Variants in USP7 observed in about 807,000 individuals in gnomAD.
USP7 encodes ubiquitin C-terminal hydrolase 7.
A neutral mutation model predicts 162.9 loss-of-function variants in USP7; 9 were observed. That is an observed-to-expected ratio of 0.06 (90% CI 0.03 to 0.10). The LOEUF is 0.10. USP7 is among the 10% of genes least tolerant of loss of function. USP7 has a pLI of 1.00. For missense variants in USP7, 715 were observed against 1,373.7 expected, an observed-to-expected ratio of 0.52 and a Z score of 7.58; for synonymous variants, 562 against 475.9, an observed-to-expected ratio of 1.18 and a Z score of -2.35.
At chr16:8,959,774 A>C (rs1030760934) in intron 1 of USP7, among the ~76,000 whole-genome samples, 4 of 152,248 alleles carry the variant, frequency 2.6e-5, no homozygotes, top group African/African-American at 9.6e-5. Flanking sequence ...ATGCTTCAGC[A>C]GAAAAGTAAC....
intron 12 of USP7, among the ~76,000 whole-genome samples, chr16:8,906,871 G>A (rs1290741094): frequency 6.6e-6 from 1 of 152,184 alleles, no homozygotes; most frequent in Non-Finnish European, 1.5e-5. Context: ...TGCAAACTGA[G>A]AAACATGAAA....
chr16:8,949,739 T>C (rs1219499456), intron 1 of USP7: 1 of 152,286 alleles, frequency 6.6e-6, no homozygotes, highest in Non-Finnish European at 1.5e-5. Flanking sequence ...TCTGAACCCA[T>C]GCTGGCTTTC....
At chr16:8,929,222 A>C (rs1325771549) in intron 2 of USP7, 6 of 333,164 alleles carry the variant, frequency 1.8e-5, no homozygotes, top group Non-Finnish European at 3.6e-5. Flanking sequence ...GCACTCACTC[A>C]ACCGCTTTCG....
At chr16:8,913,775 G>C (rs140810358) in intron 10 of USP7, among the ~76,000 whole-genome samples, 7 of 152,116 alleles carry the variant, frequency 4.6e-5, no homozygotes, top group African/African-American at 9.7e-5. Context: ...TCTTGAGAGA[G>C]ATACTTGCTC....
chr16:8,904,340 G>T, intron 15 of USP7, 95 bp downstream of exon 15: 1 of 1,547,198 alleles, frequency 6.5e-7, no homozygotes, highest in Non-Finnish European at 8.7e-7. Flanking sequence ...GGTGACCTGG[G>T]AGTCCCAGAG....
In USP7 at chr16:8,923,238, C is replaced by T. The variant is rs1242796869; in HGVS notation, c.360G>A (p.Gln120=). ...ACGTGGAATCAGATTCAGCATTGCA[C>T]TGGAGAAAGAATCCTACGCTTTTTT... ...PHQKSVGFFL[Q]CNAESDSTSW... is the part of the protein sequence containing the mutation. Residue 120 remains glutamine (Q), a synonymous_variant, in exon 3 of 31, where the codon CAG becomes CAA. Transcript: ENST00000344836. 1 of 608,504 alleles carries T rather than the reference C, an allele frequency of 1.6e-6. No homozygotes were observed. The highest frequency in any genetic ancestry group is 1.8e-5 in the South Asian group (1 of 55,470). The allele number at this position is 608,504 out of a possible 1,614,324, so 37.7% of individuals were successfully genotyped here. A position where few individuals can be genotyped will look rare whatever the true frequency, so the allele number is the denominator to read the frequency against.
intron 2 of USP7, among the ~76,000 whole-genome samples, chr16:8,929,781 T>C (rs1337605688): frequency 6.6e-6 from 1 of 152,228 alleles, no homozygotes; most frequent in Non-Finnish European, 1.5e-5. Flanking sequence ...CATATGAGTA[T>C]GCTTTCTCAC....
rs115196512 is a variant in USP7 at position 8,936,800 on chromosome 16, C to T, written c.80-6403G>A. 1,102 of 1,252,086 alleles carry T rather than the reference C, an allele frequency of 8.8e-4. 13 individuals are homozygous for T. The African/African-American group carries it at 0.015, about 17-fold the overall frequency. 77.6% of individuals were successfully genotyped at this position (1,252,086 alleles called of 1,614,324 possible). A position where few individuals can be genotyped will look rare whatever the true frequency, so the allele number is the denominator to read the frequency against. ...GCAACCTCAATTTAGATAAGGCAGT[C>T]CAGGAACAGAAGAGGATATTAATGG... is the stretch of plus-strand genomic sequence containing the variant. On this transcript the variant is annotated intron_variant, in intron 1 of 30. Coordinates refer to ENST00000344836, the MANE Select transcript of USP7 (RefSeq NM_003470.3).
chr16:8,945,179 C>T (rs1899223806), intron 1 of USP7, among the ~76,000 whole-genome samples: 1 of 151,978 alleles, frequency 6.6e-6, no homozygotes, highest in Admixed American at 6.6e-5. Context: ...AGCCGAGATC[C>T]TGCCACTGCA....
At chr16:8,895,216 C>G (rs1040501262) in intron 27 of USP7, 66 bp from the exon 28 acceptor site, 29 of 1,609,720 alleles carry the variant, frequency 1.8e-5, no homozygotes, top group African/African-American at 4.0e-5. Flanking sequence ...GTCCACATCT[C>G]AATTCTCACA....
chr16:8,925,235 G>C (rs764083618), intron 2 of USP7, among the ~76,000 whole-genome samples: 3 of 152,198 alleles, frequency 2.0e-5, no homozygotes, highest in Non-Finnish European at 4.4e-5. Flanking sequence ...ACTATGCACA[G>C]TGACCTGACT....
At chr16:8,903,524 G>A in intron 15 of USP7, 122 bp from the exon 16 acceptor site, 2 of 1,200,534 alleles carry the variant, frequency 1.7e-6, no homozygotes, top group Non-Finnish European at 2.2e-6. Flanking sequence ...AACTTCTTCA[G>A]AAGACCAATG....
chr16:8,941,691 GGAGT>G, intron 1 of USP7, among the ~76,000 whole-genome samples: 1 of 152,334 alleles, frequency 6.6e-6, no homozygotes, highest in African/African-American at 2.4e-5. Context: ...GGTGTGGTGA[GGAGT>G]GAGGGGACGG....
At chr16:8,895,319 C>A (rs1480793884) in intron 27 of USP7, among the ~76,000 whole-genome samples, 169 bp from the exon 28 acceptor site, 2 of 152,186 alleles carry the variant, frequency 1.3e-5, no homozygotes, top group Admixed American at 1.3e-4. Context: ...GAGTCTCAGC[C>A]AGAAGATATC....
At chr16:8,913,822 C>G (rs1376593107) in intron 10 of USP7, among the ~76,000 whole-genome samples, 2 of 152,028 alleles carry the variant, frequency 1.3e-5, no homozygotes, top group African/African-American at 4.8e-5. Flanking sequence ...ACAATCATGG[C>G]TCGCTGCAGA....
intron 15 of USP7, among the ~76,000 whole-genome samples, chr16:8,904,024 T>C (rs1406038807): frequency 6.6e-6 from 1 of 152,210 alleles, no homozygotes; most frequent in Non-Finnish European, 1.5e-5. Flanking sequence ...CAACCTGACG[T>C]GCACTTAATC....
chr16:8,945,727 A>G (rs1596408895), intron 1 of USP7, among the ~76,000 whole-genome samples: 1 of 152,126 alleles, frequency 6.6e-6, no homozygotes. Flanking sequence ...ATGGAACAAT[A>G]AAAGATTGAG....
intron 2 of USP7, among the ~76,000 whole-genome samples, chr16:8,924,182 T>C (rs1259836555): frequency 1.3e-5 from 2 of 152,252 alleles, no homozygotes; most frequent in Admixed American, 1.3e-4. Context: ...ACAGTGACTA[T>C]TCATTTGCAT....
chr16:8,913,275 G>A (rs2061976917), intron 10 of USP7, among the ~76,000 whole-genome samples: 1 of 152,182 alleles, frequency 6.6e-6, no homozygotes, highest in South Asian at 2.1e-4. Flanking sequence ...AGAATCACTT[G>A]AGCCCAGGAG....
Sources: allele counts gnomAD v4.1 joint callset (sites outside exome capture counted in the v4.1 genomes callset), GRCh38; gene constraint gnomAD v4.1.1; transcripts MANE v1.5; gene names NCBI Gene and HGNC (gene_info 2026-07-23, HGNC 2026-07-21).